ACVR2B: variants seen among roughly 807,000 people sequenced by gnomAD.
ACVR2B encodes the protein activin A receptor type 2B, also known as activin receptor type-2B.
Under a neutral mutation model 65.1 loss-of-function variants are expected in ACVR2B, and 18 were observed. The observed-to-expected ratio is 0.28, with a 90% CI of 0.19 to 0.41. ACVR2B has a LOEUF of 0.41. Among genes scored for constraint, ACVR2B ranks in the 10% least tolerant of loss-of-function variants. ACVR2B has a pLI of 1.00. For synonymous variants in ACVR2B, 298 were observed against 277.7 expected (o/e 1.07, Z -0.73); for missense variants, 482 against 682.7 (o/e 0.71, Z 3.28).
At position 38,481,280 on chromosome 3, in the gene ACVR2B, A is replaced by C; in HGVS notation, c.960-71A>C. ...GGCCTGACTCTAGGGCACAGACTCTAGTATCTTGGGAACCAAGGTGGGAGT... is the reference window on the plus strand; with the variant it reads ...GGCCTGACTCTAGGGCACAGACTCTCGTATCTTGGGAACCAAGGTGGGAGT... On this transcript the variant is annotated intron_variant, in intron 7 of 10. Coordinates refer to ENST00000352511, the MANE Select transcript of ACVR2B (RefSeq NM_001106.4). This position sits in a 1 kb window ranked among gnomAD's most constrained non-coding sequence, Gnocchi z 4.7. 2 of 1,296,776 alleles carry C rather than the reference A, an allele frequency of 1.5e-6. No individual in the cohort carries two copies. The highest frequency in any genetic ancestry group is 2.2e-6 in the Non-Finnish European group (2 of 892,848). The allele number at this position is 1,296,776 out of a possible 1,614,324, so 80.3% of individuals were successfully genotyped here.
chr3:38,479,101 C>T (rs997314327), intron 5 of ACVR2B, 27 bp from the exon 6 acceptor site: 3 of 1,613,560 alleles, frequency 1.9e-6, no homozygotes, highest in Non-Finnish European at 2.5e-6. Flanking sequence ...GCCACTTGTC[C>T]CCCCAACCCC....
In ACVR2B at chr3:38,454,301, GC is replaced by G; in HGVS notation, c.-21del. On this transcript the variant is annotated 5_prime_UTR_variant, in exon 1 of 11. Transcript: ENST00000352511. The stretch of plus-strand genomic sequence containing the variant: ...GGCCCTGCCCGCGGGCTCCGGGTGT[GC>G]GCGGGGCGGCGCCGCGGAACATGAC... The G allele has an allele frequency of 1.6e-6, 2 of 1,266,466 alleles. No individual in the cohort carries two copies. Among genetic ancestry groups the G allele is most frequent in the Non-Finnish European group, 2.0e-6 (2 of 1,007,444 alleles). 78.5% of individuals were successfully genotyped at this position (1,266,466 alleles called of 1,614,324 possible). A position where few individuals can be genotyped will look rare whatever the true frequency, so the allele number is the denominator to read the frequency against.
chr3:38,475,653 T>C (rs74954935), intron 1 of ACVR2B: 1 of 152,466 alleles, frequency 6.6e-6, no homozygotes, highest in East Asian at 1.9e-4. Context: ...CTCTGGGGTA[T>C]ACCCTGGGAA....
intron 1 of ACVR2B, among the ~76,000 whole-genome samples, chr3:38,466,117 G>A (rs1709722293): frequency 6.6e-6 from 1 of 152,214 alleles, no homozygotes; most frequent in South Asian, 2.1e-4. Context: ...GACATGGAAG[G>A]ACAAATAACC....
rs2059807187 is a variant in ACVR2B, at chr3:38,491,156, T to G, written c.*7824T>G. On this transcript the variant is annotated 3_prime_UTR_variant, in exon 11 of 11. Transcript: ENST00000352511. ...CTTGTGGGATATGGCTGTTTGTCAT[T>G]TTGATGTATTTTAAATAAATATATA... 1 of 152,284 alleles carries G rather than the reference T, an allele frequency of 6.6e-6. No homozygotes were observed. The highest frequency in any genetic ancestry group is 2.4e-5 in the African/African-American group (1 of 41,438). 9.4% of individuals were successfully genotyped at this position (152,284 alleles called of 1,614,324 possible).
chr3:38,465,321 C>T (rs1709709876), intron 1 of ACVR2B, among the ~76,000 whole-genome samples: 1 of 146,574 alleles, frequency 6.8e-6, no homozygotes, highest in East Asian at 2.0e-4. Flanking sequence ...TTGCTTGAAT[C>T]TGGGAGGCAG....
chr3:38,456,806 C>T (rs1360273193), intron 1 of ACVR2B, among the ~76,000 whole-genome samples: 2 of 152,206 alleles, frequency 1.3e-5, no homozygotes, highest in Non-Finnish European at 2.9e-5. Flanking sequence ...ACCCTCACTA[C>T]CTCCCAAAGG....
intron 5 of ACVR2B, 23 bp from the exon 6 acceptor site, chr3:38,479,105 C>G (rs893771246): frequency 8.1e-6 from 13 of 1,613,786 alleles, no homozygotes. Context: ...CTTGTCCCCC[C>G]AACCCCTCGC....
chr3:38,486,364 A>T lies in ACVR2B; in HGVS notation c.*3032A>T, dbSNP rs1451223399. On this transcript the variant is annotated 3_prime_UTR_variant, in exon 11 of 11. Coordinates refer to ENST00000352511, the MANE Select transcript of ACVR2B (RefSeq NM_001106.4). ...TCTGATGGCAAGAAGAAGGTGGGGG[A>T]TCTCCTTATAGGGCATGGGTCTAGG... is the stretch of plus-strand genomic sequence containing the variant. The T allele has an allele frequency of 6.6e-6, 1 of 152,144 alleles. No homozygotes were observed. The highest frequency in any genetic ancestry group is 2.4e-5 in the African/African-American group (1 of 41,396). The allele number at this position is 152,144 out of a possible 1,614,324, so 9.4% of individuals were successfully genotyped here.
Position 38,482,489 on chromosome 3 carries a change from G to A in ACVR2B, c.1273G>A (p.Glu425Lys). ...EEEIGQHPSL[E>K]ELQEVVVHKK... ...AGAGATTGGCCAGCACCCTTCGTTGGAGGAGCTGCAGGAGGTGGTGGTGCA... is the reference window on the plus strand; with the variant it reads ...AGAGATTGGCCAGCACCCTTCGTTGAAGGAGCTGCAGGAGGTGGTGGTGCA... The change falls in exon 10 of 11, where the codon GAG (glutamate) becomes AAG (lysine). Residue 425 changes from glutamate to lysine, a missense_variant. Coordinates refer to ENST00000352511, the MANE Select transcript of ACVR2B (RefSeq NM_001106.4). 6.2e-7 allele frequency: 1 copy of A among 1,612,896 alleles called. No individual in the cohort carries two copies. The highest frequency in any genetic ancestry group is 8.5e-7 in the Non-Finnish European group (1 of 1,179,910).
intron 1 of ACVR2B, among the ~76,000 whole-genome samples, chr3:38,455,435 G>C (rs951850061): frequency 6.6e-6 from 1 of 152,168 alleles, no homozygotes; most frequent in African/African-American, 2.4e-5. Flanking sequence ...CGCCCTCGGT[G>C]GCAGCCGCCT....
At chr3:38,482,093 T>C (rs1369791275) in intron 8 of ACVR2B, 105 bp from the exon 9 acceptor site, 3 of 1,500,160 alleles carry the variant, frequency 2.0e-6, no homozygotes, top group Non-Finnish European at 2.8e-6. Flanking sequence ...TCTGAATTGC[T>C]CTGTCTTGCC....
intron 1 of ACVR2B, chr3:38,475,472 T>A (rs745818451): frequency 6.6e-6 from 1 of 152,184 alleles, no homozygotes; most frequent in Non-Finnish European, 1.5e-5. Context: ...TGGGTGACAT[T>A]TCGGACCCTT....
chr3:38,461,036 C>A (rs1356359110), intron 1 of ACVR2B, among the ~76,000 whole-genome samples: 1 of 152,154 alleles, frequency 6.6e-6, no homozygotes, highest in Non-Finnish European at 1.5e-5. Flanking sequence ...TGTGGCCTCC[C>A]AGACTTGAAC....
intron 1 of ACVR2B, among the ~76,000 whole-genome samples, chr3:38,462,091 G>A (rs1363200457): frequency 2.0e-5 from 3 of 152,152 alleles, no homozygotes; most frequent in Non-Finnish European, 4.4e-5. Flanking sequence ...CTACTCAAGA[G>A]GCTGAGGCAG....
In ACVR2B at chr3:38,477,992, G is replaced by A; in HGVS notation, c.370+22G>A. Reference sequence around the variant, plus strand: ...GAAGGTAAGGGGGCAGTGTGGAAGTGGGGCCTTGAGTCAGCCGACCTGGGC... The same window carrying A: ...GAAGGTAAGGGGGCAGTGTGGAAGTAGGGCCTTGAGTCAGCCGACCTGGGC... On this transcript the variant is annotated intron_variant, in intron 3 of 10. Coordinates refer to ENST00000352511, the MANE Select transcript of ACVR2B (RefSeq NM_001106.4). This position sits in a 1 kb window ranked among gnomAD's most constrained non-coding sequence, Gnocchi z 6.7. The A allele has an allele frequency of 6.2e-7, 1 of 1,612,556 alleles. No individual in the cohort carries two copies. Among genetic ancestry groups the A allele is most frequent in the Non-Finnish European group, 8.5e-7 (1 of 1,178,790 alleles).
At chr3:38,473,744 A>G (rs996988820) in intron 1 of ACVR2B, 3 of 152,066 alleles carry the variant, frequency 2.0e-5, no homozygotes, top group African/African-American at 7.3e-5. Flanking sequence ...TGTTCTAACC[A>G]CTCTTAAAGT....
rs1056592082 is a variant in ACVR2B at position 38,487,346 on chromosome 3, G to A, written c.*4014G>A. ...AAGGGTCTCTCATCTCCAGGCCACA[G>A]AGATAGTTCTTCCATTGCCCTAAGA... On this transcript the variant is annotated 3_prime_UTR_variant, in exon 11 of 11. Transcript: ENST00000352511. The A allele has an allele frequency of 2.0e-5, 3 of 152,254 alleles. No individual in the cohort carries two copies. The highest frequency in any genetic ancestry group is 4.4e-5 in the Non-Finnish European group (3 of 68,062). The allele number at this position is 152,254 out of a possible 1,614,324, so 9.4% of individuals were successfully genotyped here.
Position 38,481,974 on chromosome 3 carries a change from T to A in ACVR2B, c.1075-224T>A, listed in dbSNP as rs909458107. On this transcript the variant is annotated intron_variant, in intron 8 of 10. Coordinates refer to ENST00000352511, the MANE Select transcript of ACVR2B (RefSeq NM_001106.4). The surrounding 1 kb of genome is among the most constrained non-coding windows in gnomAD (Gnocchi z 4.7). ...ACAATTCCATTTTAGATTACTATTA[T>A]CTCCAGGATATAGTATTTAAAAATT... 6.6e-6 allele frequency among the ~76,000 whole-genome samples: 1 copy of A among 152,214 alleles called. No individual in the cohort carries two copies. The highest frequency in any genetic ancestry group is 1.5e-5 in the Non-Finnish European group (1 of 68,050).
Sources: allele counts gnomAD v4.1 joint callset (sites outside exome capture counted in the v4.1 genomes callset), GRCh38; gene constraint gnomAD v4.1.1; non-coding constraint Gnocchi (gnomAD v3.1); transcripts MANE v1.5; gene names NCBI Gene and HGNC (gene_info 2026-07-23, HGNC 2026-07-21).